The following NCOA2 variants were observed in gnomAD, a reference collection of about 807,000 sequenced individuals.
NCOA2 encodes the protein class E basic helix-loop-helix protein 75.
NCOA2 carries 21 observed loss-of-function variants against 145.1 expected under a neutral mutation model. The ratio of observed to expected loss-of-function variants is 0.14; its 90% CI spans 0.10 to 0.21. The LOEUF (loss-of-function observed/expected upper bound fraction) is 0.21. NCOA2 is among the 10% of genes least tolerant of loss of function. The pLI is 1.00. For synonymous variants in NCOA2, 619 were observed against 637.5 expected, an observed-to-expected ratio of 0.97 and a Z score of 0.44; for missense variants, 1,472 against 1,837.6, an observed-to-expected ratio of 0.80 and a Z score of 3.64.
chr8:70,411,647 A>G, the NCOA2 span, among the ~76,000 whole-genome samples: 1 of 152,232 alleles, frequency 6.6e-6, no homozygotes, highest in Non-Finnish European at 1.5e-5. Context: ...ACTATACTGA[A>G]ATGAAAATGA....
chr8:70,121,492 A>C (rs889265950), intron 21 of NCOA2, 101 bp from the exon 22 acceptor site: 1 of 818,374 alleles, frequency 1.2e-6, no homozygotes, highest in Non-Finnish European at 2.0e-6. Context: ...TTAGGGGTGT[A>C]AAAACGGGGA....
intron 2 of NCOA2, among the ~76,000 whole-genome samples, chr8:70,274,929 A>G (rs922010450): frequency 6.6e-6 from 1 of 152,196 alleles, no homozygotes; most frequent in African/African-American, 2.4e-5. Context: ...CTGAGGCATC[A>G]TCTCCCGTAA....
At chr8:70,391,017 C>T (rs1813151894) in intron 1 of NCOA2, among the ~76,000 whole-genome samples, 1 of 151,500 alleles carries the variant, frequency 6.6e-6, no homozygotes, top group Admixed American at 6.6e-5. Context: ...CTAATAAGAT[C>T]CTAAAGTAGG....
intron 1 of NCOA2, among the ~76,000 whole-genome samples, chr8:70,392,346 T>C (rs1022805793): frequency 1.3e-5 from 2 of 152,218 alleles, no homozygotes; most frequent in Non-Finnish European, 2.9e-5. Flanking sequence ...TTAACGTTCA[T>C]TGGTTGGTGG....
chr8:70,216,842 T>C lies in NCOA2; in HGVS notation c.-19-78A>G, dbSNP rs141783352. Reference sequence around the variant, plus strand: ...AAGTGTCTGATCATTTTACCAACAATAAAAGAATTTTGACTCCAATCAGAA... The same window carrying C: ...AAGTGTCTGATCATTTTACCAACAACAAAAGAATTTTGACTCCAATCAGAA... On this transcript the variant is annotated intron_variant, in intron 2 of 22. Coordinates refer to ENST00000452400, the MANE Select transcript of NCOA2 (RefSeq NM_006540.4). 1.6e-4 allele frequency: 146 copies of C among 918,826 alleles called. No homozygotes were observed. In the East Asian group the frequency reaches 3.0e-3, roughly 19 times the overall value. 56.9% of individuals were successfully genotyped at this position (918,826 alleles called of 1,614,324 possible).
Position 70,203,898 on chromosome 8 carries a change from C to T in NCOA2, c.259+10005G>A, listed in dbSNP as rs1038201720. On this transcript the variant is annotated intron_variant, in intron 4 of 22. Coordinates refer to ENST00000452400, the MANE Select transcript of NCOA2 (RefSeq NM_006540.4). ...AGCACTAACATAAAATGTGAATGTGCGTTCTATATTATATATTCTAGTCTA... is the reference window on the plus strand; with the variant it reads ...AGCACTAACATAAAATGTGAATGTGTGTTCTATATTATATATTCTAGTCTA... Among the ~76,000 whole-genome samples, 6 of 152,052 alleles carry T rather than the reference C, an allele frequency of 3.9e-5. No individual in the cohort carries two copies. In the East Asian group the frequency reaches 5.8e-4, roughly 15 times the overall value.
At position 70,138,302 on chromosome 8, in the gene NCOA2, C is replaced by G; in HGVS notation, c.3059G>C (p.Gly1020Ala). 1 of 1,612,330 alleles carries G rather than the reference C, an allele frequency of 6.2e-7. No individual in the cohort carries two copies. The highest frequency in any genetic ancestry group is 8.5e-7 in the Non-Finnish European group (1 of 1,179,042). ...AGCTTGTTGTTGGCTATACTGAGGT[C>G]CCCCCATGTTCATCTCTAATTCAGA... Reference protein sequence around the residue: ...GPSELEMNMGGPQYSQQQAPP... With the variant: ...GPSELEMNMGAPQYSQQQAPP... The change falls in exon 15 of 23, where the codon GGA becomes GCA. Residue 1020 changes from glycine to alanine, a missense_variant. Gly to Ala is a moderately conservative substitution (Grantham distance 60, BLOSUM62 0). This residue lies in a region of NCOA2 where 953 missense variants were observed against 1,062.1 expected (regional missense o/e 0.90). Coordinates refer to ENST00000452400, the MANE Select transcript of NCOA2 (RefSeq NM_006540.4).
chr8:70,381,693 T>A (rs971309215), intron 1 of NCOA2, among the ~76,000 whole-genome samples: 1 of 152,202 alleles, frequency 6.6e-6, no homozygotes, highest in Non-Finnish European at 1.5e-5. Flanking sequence ...AAACCTGAGA[T>A]AATGAAGTAT....
rs1256091477 is a variant in NCOA2, at chr8:70,144,847, A to G, written c.2607T>C (p.Thr869=). 1 of 1,613,594 alleles carries G rather than the reference A, an allele frequency of 6.2e-7. No homozygotes were observed. The highest frequency in any genetic ancestry group is 8.5e-7 in the Non-Finnish European group (1 of 1,179,494). Residue 869 remains threonine, a splice_region_variant and synonymous_variant, in exon 13 of 23, where the codon ACT becomes ACC. Transcript: ENST00000452400. ...QKTALRISQS[T]FNNPRPGQLG... ...GTTGCCCTGGTCGTGGGTTATTAAA[A>G]GCTAAGGAGAAAACAAATGAAAATT...
intron 5 of NCOA2, among the ~76,000 whole-genome samples, chr8:70,170,969 GA>G (rs1486458951): frequency 3.9e-5 from 6 of 152,182 alleles, no homozygotes; most frequent in Non-Finnish European, 2.9e-5. Flanking sequence ...AAGGGTCTCG[GA>G]AGTGTCTCTG....
chr8:70,332,985 T>C lies in NCOA2; in HGVS notation c.-76-36185A>G, dbSNP rs1286497788. ...TGAAAGGTAAATATGATTACTTTCA[T>C]TTTACAAAGAAACTGTAAAAACTGG... On this transcript the variant is annotated intron_variant, in intron 1 of 22. Coordinates refer to ENST00000452400, the MANE Select transcript of NCOA2 (RefSeq NM_006540.4). 2.6e-5 allele frequency among the ~76,000 whole-genome samples: 4 copies of C among 152,346 alleles called. No individual in the cohort carries two copies. The South Asian group carries it at 6.2e-4, about 24-fold the overall frequency.
chr8:70,227,627 T>C (rs963289547), intron 2 of NCOA2, among the ~76,000 whole-genome samples: 3 of 152,166 alleles, frequency 2.0e-5, no homozygotes, highest in African/African-American at 7.2e-5. Context: ...CTACTTGCTA[T>C]GAGGCAATGG....
rs548431377 is a variant in NCOA2 at position 70,261,436 on chromosome 8, C to G, written c.-20+35308G>C. On this transcript the variant is annotated intron_variant, in intron 2 of 22. Transcript: ENST00000452400. The stretch of plus-strand genomic sequence containing the variant: ...TGGACACAGGAAGGGGAACATCACA[C>G]TCTGTGGGGTGGGGGGAGGCGGGAG... Among the ~76,000 whole-genome samples, 13 of 151,874 alleles carry G rather than the reference C, an allele frequency of 8.6e-5. No homozygotes were observed. In the South Asian group the frequency reaches 2.1e-3, roughly 24 times the overall value.
At chr8:70,386,916 GT>G (rs144097170) in intron 1 of NCOA2, among the ~76,000 whole-genome samples, 1 of 151,156 alleles carries the variant, frequency 6.6e-6, no homozygotes, top group Admixed American at 6.6e-5. Flanking sequence ...AATATTTTTA[GT>G]TTTTTTTTAA....
chr8:70,186,441 C>T (rs549840164), intron 4 of NCOA2, among the ~76,000 whole-genome samples: 1 of 152,246 alleles, frequency 6.6e-6, no homozygotes, highest in South Asian at 2.1e-4. Context: ...TACCAAGGCC[C>T]CTCAGATCAG....
At chr8:70,257,907 GTCTTTTTTCTTT>G (rs932768370) in intron 2 of NCOA2, among the ~76,000 whole-genome samples, 6 of 151,602 alleles carry the variant, frequency 4.0e-5, no homozygotes, top group Admixed American at 6.6e-5. Context: ...AGATGAGCAT[GTCTTTTTTCTTT>G]TCTTTTTTCT....
rs111799429 is a variant in NCOA2 at position 70,363,339 on chromosome 8, C to T, written c.-77+40361G>A. Among the ~76,000 whole-genome samples the T allele has an allele frequency of 3.9e-3, 589 of 150,530 alleles. 9 individuals carry two copies. The highest frequency in any genetic ancestry group is 0.014 in the African/African-American group (559 of 40,918). ...CAGAGCTTGCAGTAAGCAGAGATCA[C>T]GCCACTGCATTCCAGCCTGGGTGAC... On this transcript the variant is annotated intron_variant, in intron 1 of 22. Coordinates refer to ENST00000452400, the MANE Select transcript of NCOA2 (RefSeq NM_006540.4).
At chr8:70,274,597 A>G (rs956314175) in intron 2 of NCOA2, among the ~76,000 whole-genome samples, 2 of 152,242 alleles carry the variant, frequency 1.3e-5, no homozygotes, top group African/African-American at 4.8e-5. Context: ...AATTTGCTCA[A>G]CATTAGCTCT....
At chr8:70,418,172 CACTT>C in the NCOA2 span, among the ~76,000 whole-genome samples, 1 of 152,192 alleles carries the variant, frequency 6.6e-6, no homozygotes, top group East Asian at 1.9e-4. Flanking sequence ...CATTTATTGA[CACTT>C]ACTTAGAACA....
Sources: allele counts gnomAD v4.1 joint callset (sites outside exome capture counted in the v4.1 genomes callset), GRCh38; gene constraint gnomAD v4.1.1; regional missense constraint gnomAD v4.1.1; transcripts MANE v1.5; gene names NCBI Gene and HGNC (gene_info 2026-07-23, HGNC 2026-07-21).